ZNF248: variants seen among roughly 807,000 people sequenced by gnomAD.
ZNF248 encodes zinc finger protein 248, also known as KRAB protein domain.
ZNF248 carries 20 observed loss-of-function variants against 44.3 expected under a neutral mutation model. The observed-to-expected ratio is 0.45, with a 90% CI of 0.32 to 0.66. ZNF248 has a LOEUF of 0.66. Among genes scored for constraint, ZNF248 ranks in the 30% least tolerant of loss-of-function variants. The pLI is 0.04. For missense variants in ZNF248, 654 were observed against 677.0 expected (o/e 0.97, Z 0.38); for synonymous variants, 224 against 229.0 (o/e 0.98, Z 0.20).
At chr10:37,838,751 G>GAA (rs150662621) in intron 3 of ZNF248, among the ~76,000 whole-genome samples, 2 of 146,976 alleles carry the variant, frequency 1.4e-5, no homozygotes, top group Admixed American at 6.7e-5. Flanking sequence ...TGAAAAAAAA[G>GAA]AAAAAAAAAG....
the ZNF248 span, among the ~76,000 whole-genome samples, chr10:37,770,550 G>A: frequency 1.3e-5 from 2 of 152,116 alleles, no homozygotes; most frequent in Non-Finnish European, 1.5e-5. Context: ...AAATGGTGCT[G>A]GGAAAACTGG....
rs2055584280 is a variant in ZNF248, at chr10:37,831,397, CAT to C, written c.*216_*217del. 6.6e-7 allele frequency: 1 copy of C among 1,523,536 alleles called. No homozygotes were observed. Among genetic ancestry groups the C allele is most frequent in the Non-Finnish European group, 8.8e-7 (1 of 1,134,804 alleles). 94.4% of individuals were successfully genotyped at this position (1,523,536 alleles called of 1,614,324 possible). The stretch of plus-strand genomic sequence containing the variant: ...ACGTCTGGAATATAACACTAAACAA[CAT>C]AAATTCCAGATAAATATTTTCACCA... On this transcript the variant is annotated 3_prime_UTR_variant, in exon 6 of 6. Coordinates refer to ENST00000395867, the MANE Select transcript of ZNF248 (RefSeq NM_021045.3).
chr10:37,853,733 T>G (rs936325387), intron 3 of ZNF248, among the ~76,000 whole-genome samples: 2 of 151,946 alleles, frequency 1.3e-5, no homozygotes, highest in Admixed American at 1.3e-4. Flanking sequence ...AAGCTCTCAC[T>G]CCAGAATTCT....
At chr10:37,847,355 T>G (rs2059495855) in intron 3 of ZNF248, among the ~76,000 whole-genome samples, 1 of 152,190 alleles carries the variant, frequency 6.6e-6, no homozygotes, top group Non-Finnish European at 1.5e-5. Flanking sequence ...TCCACTAATA[T>G]CCTAGTTATT....
In ZNF248 at chr10:37,856,707, G is replaced by A. The variant is rs887936017; in HGVS notation, c.-125-175C>T. The A allele has an allele frequency of 5.0e-6, 5 of 993,556 alleles. No homozygotes were observed. In the African/African-American group the frequency reaches 8.7e-5, roughly 17 times the overall value. 61.5% of individuals were successfully genotyped at this position (993,556 alleles called of 1,614,324 possible). On this transcript the variant is annotated intron_variant, in intron 1 of 5. Coordinates refer to ENST00000395867, the MANE Select transcript of ZNF248 (RefSeq NM_021045.3). ...CATTAATGCCCTGAGGTTAGATAAT[G>A]CAAAAGACCTCTAAAAAAAGGGATA... is the stretch of plus-strand genomic sequence containing the variant.
At chr10:37,775,313 T>C (rs2046505193), downstream of ZNF248, 1 of 150,862 alleles carries the variant, frequency 6.6e-6, no homozygotes, top group Admixed American at 6.7e-5. Flanking sequence ...TTTTATGCAA[T>C]GGAAACATGA....
chr10:37,789,862 CAG>C (rs2048296937), intron 6 of ZNF248, among the ~76,000 whole-genome samples: 1 of 152,122 alleles, frequency 6.6e-6, no homozygotes, highest in Non-Finnish European at 1.5e-5. Flanking sequence ...AAAATTCCTC[CAG>C]CTTAGTTTAC....
At chr10:37,843,083 T>G (rs1008882726) in intron 3 of ZNF248, among the ~76,000 whole-genome samples, 1 of 152,132 alleles carries the variant, frequency 6.6e-6, no homozygotes, top group African/African-American at 2.4e-5. Context: ...GTAAAAACAT[T>G]AGCTGAAAGC....
intron 6 of ZNF248, among the ~76,000 whole-genome samples, chr10:37,807,359 C>T (rs188628842): frequency 9.9e-5 from 15 of 152,142 alleles, no homozygotes; most frequent in Admixed American, 2.6e-4. Flanking sequence ...GCAAGGGGTG[C>T]GAGACCTCCA....
chr10:37,838,276 A>C (rs1176529857), intron 3 of ZNF248, among the ~76,000 whole-genome samples, 165 bp from the exon 4 acceptor site: 1 of 152,248 alleles, frequency 6.6e-6, no homozygotes. Context: ...TTGAGTTTCT[A>C]CTAAGGGTCT....
downstream of ZNF248, among the ~76,000 whole-genome samples, chr10:37,775,945 C>T (rs1249041373): frequency 6.6e-6 from 1 of 152,300 alleles, no homozygotes; most frequent in East Asian, 1.9e-4. Context: ...CTGCCATTTA[C>T]AAACTGGATG....
intron 6 of ZNF248, among the ~76,000 whole-genome samples, chr10:37,777,160 C>T (rs1239475268): frequency 6.6e-6 from 1 of 152,024 alleles, no homozygotes; most frequent in Non-Finnish European, 1.5e-5. Flanking sequence ...CTAAGGGCTG[C>T]CTGCACATTC....
At chr10:37,848,812 G>T (rs2059752279) in intron 3 of ZNF248, among the ~76,000 whole-genome samples, 1 of 152,090 alleles carries the variant, frequency 6.6e-6, no homozygotes, top group Admixed American at 6.6e-5. Context: ...CCTTGAATTG[G>T]CCTTTCCATT....
chr10:37,837,085 T>TAAAA (rs67744511), intron 5 of ZNF248, among the ~76,000 whole-genome samples: 4 of 140,290 alleles, frequency 2.9e-5, no homozygotes, highest in South Asian at 2.3e-4. Flanking sequence ...CTTTAAAATG[T>TAAAA]AAAAAAAAAA....
At chr10:37,790,314 C>T (rs2048353067) in intron 6 of ZNF248, among the ~76,000 whole-genome samples, 1 of 150,310 alleles carries the variant, frequency 6.7e-6, no homozygotes, top group South Asian at 2.1e-4. Context: ...GGAATGGTGG[C>T]TCATGCCTGT....
chr10:37,766,360 G>C, the ZNF248 span, among the ~76,000 whole-genome samples: 1 of 152,210 alleles, frequency 6.6e-6, no homozygotes, highest in Non-Finnish European at 1.5e-5. Context: ...GCACCCTCTA[G>C]TAGGGGCAGA....
chr10:37,787,991 A>G (rs1029210392), intron 6 of ZNF248, among the ~76,000 whole-genome samples: 8 of 152,320 alleles, frequency 5.3e-5, no homozygotes, highest in African/African-American at 1.9e-4. Context: ...CAACTTGGCC[A>G]GGCATGGTGG....
rs1360298924 is a variant in ZNF248, at chr10:37,832,768, C to CT, written c.586dup (p.Arg196LysfsTer5). On this transcript the variant is annotated frameshift_variant, in exon 6 of 6. Transcript: ENST00000395867. LOFTEE classifies it high-confidence loss of function. ...ATCCTGGTGATAATTAATGGCATTC[C>CT]TTTTTTGATCATATTTATAAGACTT... is the stretch of plus-strand genomic sequence containing the variant. 2.2e-5 allele frequency: 35 copies of CT among 1,613,574 alleles called. No homozygotes were observed. The highest frequency in any genetic ancestry group is 2.6e-5 in the Non-Finnish European group (31 of 1,179,814).
chr10:37,841,952 C>CTGATGA (rs1255538853), intron 3 of ZNF248, among the ~76,000 whole-genome samples: 2 of 151,954 alleles, frequency 1.3e-5, no homozygotes, highest in African/African-American at 4.8e-5. Flanking sequence ...CTAAGAAGAG[C>CTGATGA]CTAAGGAGAC....
Sources: gnomAD v4.1 joint callset for allele counts (sites outside exome capture counted in the v4.1 genomes callset) on GRCh38, gnomAD v4.1.1 for gene constraint, MANE v1.5 for transcripts, NCBI Gene and HGNC (gene_info 2026-07-23, HGNC 2026-07-21) for gene names.